The following ATXN8OS variants were observed in gnomAD, a reference collection of about 807,000 sequenced individuals.
ATXN8OS encodes ATXN8 opposite strand lncRNA.
chr13:70,123,255 G>A (rs1888386818), intron 2 of ATXN8OS, among the ~76,000 whole-genome samples: 1 of 152,050 alleles, frequency 6.6e-6, no homozygotes, highest in African/African-American at 2.4e-5. Flanking sequence ...TGAAGTTGAT[G>A]TCAAGGAATA....
intron 4 of ATXN8OS, among the ~76,000 whole-genome samples, chr13:70,167,782 C>T (rs1889096004): frequency 7.8e-6 from 1 of 127,734 alleles, no homozygotes; most frequent in Admixed American, 9.2e-5. Context: ...GTTGCCCAGG[C>T]TGGAGTGCAG....
chr13:70,127,004 A>C (rs1179557576), intron 2 of ATXN8OS, among the ~76,000 whole-genome samples: 1 of 151,904 alleles, frequency 6.6e-6, no homozygotes, highest in East Asian at 1.9e-4. Context: ...TTTTGGATTT[A>C]TATACAGTTT....
chr13:70,127,321 T>C (rs1298381394), intron 2 of ATXN8OS, among the ~76,000 whole-genome samples: 1 of 152,154 alleles, frequency 6.6e-6, no homozygotes, highest in Non-Finnish European at 1.5e-5. Flanking sequence ...TGTTCTTTAA[T>C]AATGAGGTTA....
At chr13:70,153,057 G>T (rs1280860005) in intron 4 of ATXN8OS, among the ~76,000 whole-genome samples, 3 of 120,554 alleles carry the variant, frequency 2.5e-5, no homozygotes, top group Non-Finnish European at 5.2e-5. Flanking sequence ...TGTGTGTGTA[G>T]ACTGTTATAA....
intron 3 of ATXN8OS, among the ~76,000 whole-genome samples, chr13:70,133,082 A>C (rs1888557569): frequency 6.6e-6 from 1 of 152,146 alleles, no homozygotes; most frequent in African/African-American, 2.4e-5. Flanking sequence ...CGATAGAGCT[A>C]GGAGAGGCAG....
At chr13:70,154,864 G>A (rs957173827) in intron 4 of ATXN8OS, among the ~76,000 whole-genome samples, 1 of 152,200 alleles carries the variant, frequency 6.6e-6, no homozygotes, top group African/African-American at 2.4e-5. Flanking sequence ...GCACCATAGC[G>A]AAGGTTATAG....
At chr13:70,132,360 A>G (rs1593764494) in intron 3 of ATXN8OS, among the ~76,000 whole-genome samples, 1 of 151,034 alleles carries the variant, frequency 6.6e-6, no homozygotes, top group South Asian at 2.1e-4. Context: ...CCATTATCCT[A>G]AGTGAAATAA....
chr13:70,118,332 T>G (rs1051848099), intron 2 of ATXN8OS, among the ~76,000 whole-genome samples: 1 of 152,038 alleles, frequency 6.6e-6, no homozygotes, highest in Non-Finnish European at 1.5e-5. Flanking sequence ...TAAATTTTAC[T>G]AGGAAAACTA....
chr13:70,127,932 G>A (rs1888467108), intron 2 of ATXN8OS, among the ~76,000 whole-genome samples: 1 of 151,892 alleles, frequency 6.6e-6, no homozygotes, highest in African/African-American at 2.4e-5. Context: ...GAGTGAGCGA[G>A]TTTTCACTAA....
intron 3 of ATXN8OS, among the ~76,000 whole-genome samples, chr13:70,145,332 G>A (rs1028853275): frequency 9.2e-5 from 14 of 151,738 alleles, no homozygotes; most frequent in South Asian, 2.1e-4. Context: ...TTGGTGATAC[G>A]GGCTCTTTTT....
At chr13:70,136,291 G>C (rs532969618) in intron 3 of ATXN8OS, among the ~76,000 whole-genome samples, 1 of 151,932 alleles carries the variant, frequency 6.6e-6, no homozygotes, top group Non-Finnish European at 1.5e-5. Context: ...CAAAGTACAG[G>C]GATAGCCTCA....
In ATXN8OS at chr13:70,154,613, G is replaced by T. The variant is rs150925962; in HGVS notation, n.573+7185G>T. Among the ~76,000 whole-genome samples, 545 of 152,242 alleles carry T rather than the reference G, an allele frequency of 3.6e-3. 3 individuals are homozygous for T. Among genetic ancestry groups the T allele is most frequent in the African/African-American group, 0.013 (521 of 41,522 alleles). On this transcript the variant is annotated intron_variant and non_coding_transcript_variant, in intron 4 of 4. Transcript: ENST00000678624. ...CTGTATTAGGCTGACTTGTCCCAAA[G>T]TCAGCAATAGGCACAGCCCAGACCC...
chr13:70,115,812 G>C (rs1237262149), intron 2 of ATXN8OS, among the ~76,000 whole-genome samples: 2 of 151,952 alleles, frequency 1.3e-5, no homozygotes, highest in Admixed American at 6.6e-5. Flanking sequence ...CAATTATTTA[G>C]TATGAAAACA....
intron 4 of ATXN8OS, among the ~76,000 whole-genome samples, chr13:70,155,634 A>C (rs373527470): frequency 2.0e-4 from 31 of 152,328 alleles, no homozygotes; most frequent in African/African-American, 6.0e-4. Context: ...TTCTGAAATT[A>C]TCTCTCCTAA....
intron 3 of ATXN8OS, chr13:70,139,383 A>ACTACTACTACTACTACTACTACTACTG: frequency 1.1e-5 from 5 of 458,324 alleles, no homozygotes; most frequent in Admixed American, 3.4e-5. Flanking sequence ...TACTACTACT[A>ACTACTACTACTACTACTACTACTACTG]CTGCTGCTGC....
intron 2 of ATXN8OS, among the ~76,000 whole-genome samples, chr13:70,122,406 C>T (rs576930025): frequency 1.3e-5 from 2 of 151,908 alleles, no homozygotes; most frequent in East Asian, 3.9e-4. Context: ...AGTTATACAG[C>T]TCTAAATAAA....
exon 5 of ATXN8OS, among the ~76,000 whole-genome samples, chr13:70,170,372 A>C (rs1464295102): frequency 6.6e-6 from 1 of 152,086 alleles, no homozygotes; most frequent in Non-Finnish European, 1.5e-5. Flanking sequence ...TATGTCTGAG[A>C]AGATCTGGGA....
intron 2 of ATXN8OS, among the ~76,000 whole-genome samples, chr13:70,128,483 G>T (rs78071837): frequency 1.3e-5 from 2 of 151,998 alleles, no homozygotes; most frequent in Admixed American, 6.6e-5. Flanking sequence ...GTCTTGAAGA[G>T]TAGAAACACC....
intron 1 of ATXN8OS, chr13:70,108,081 G>A (rs1387156754): frequency 4.8e-6 from 2 of 416,180 alleles, no homozygotes; most frequent in East Asian, 3.5e-5. Flanking sequence ...CCGAAGCTCC[G>A]GAGGCGGCTG....
Sources: gnomAD v4.1 joint callset for allele counts (sites outside exome capture counted in the v4.1 genomes callset) on GRCh38, gnomAD v4.1.1 for gene constraint, MANE v1.5 for transcripts, NCBI Gene and HGNC (gene_info 2026-07-23, HGNC 2026-07-21) for gene names.